RB1CC1: variants seen among roughly 807,000 people sequenced by gnomAD.
RB1CC1 encodes RB1 inducible coiled-coil 1, also known as RB1-inducible coiled-coil protein 1.
A neutral mutation model predicts 177.5 loss-of-function variants in RB1CC1; 46 were observed. The ratio of observed to expected loss-of-function variants is 0.26; its 90% confidence interval spans 0.20 to 0.33. RB1CC1 has a LOEUF of 0.33. RB1CC1 is among the 10% of genes least tolerant of loss of function. The pLI, the probability that RB1CC1 is intolerant of heterozygous loss-of-function variation, is 1.00. For synonymous variants in RB1CC1, 666 were observed against 613.6 expected (o/e 1.09, Z -1.26); for missense variants, 1,703 against 1,816.3 (o/e 0.94, Z 1.13).
At chr8:52,693,171 T>C (rs754273888) in intron 1 of RB1CC1, among the ~76,000 whole-genome samples, 10 of 152,110 alleles carry the variant, frequency 6.6e-5, no homozygotes, top group Non-Finnish European at 1.3e-4. Flanking sequence ...TATGAAACCC[T>C]AGAAGAATAC....
rs770912701 is a variant in RB1CC1, at chr8:52,657,906, T to A, written c.1923A>T (p.Ala641=). The A allele has an allele frequency of 6.2e-7, 1 of 1,613,098 alleles. No homozygotes were observed. The highest frequency in any genetic ancestry group is 8.5e-7 in the Non-Finnish European group (1 of 1,179,428). ...ACTGTGGGGATGTCTGACTCACAGA[T>A]GCCTGGAAAACAGAAAGAAAGGCTT... The part of the protein sequence containing the change: ...TITDLLSEQK[A]SVSQTSPQSA... The change falls in exon 15 of 24, where the codon GCA becomes GCT. Residue 641 remains alanine, a splice_region_variant and synonymous_variant. Coordinates refer to ENST00000025008, the MANE Select transcript of RB1CC1 (RefSeq NM_014781.5).
At chr8:52,653,209 A>G (rs186295388) in intron 15 of RB1CC1, among the ~76,000 whole-genome samples, 52 of 152,286 alleles carry the variant, frequency 3.4e-4, no homozygotes, top group Non-Finnish European at 4.6e-4. Context: ...GGCTTTGCAA[A>G]ATACAAGCTT....
chr8:52,661,180 T>C lies in RB1CC1; in HGVS notation c.1460A>G (p.Glu487Gly). 6.2e-7 allele frequency: 1 copy of C among 1,613,934 alleles called. No homozygotes were observed. Among genetic ancestry groups the C allele is most frequent in the African/African-American group, 1.3e-5 (1 of 75,042 alleles). The change falls in exon 10 of 24, where the codon GAA becomes GGA. Residue 487 changes from glutamate (E) to glycine (G), a missense_variant. By Grantham distance (98) the Glu-to-Gly change is moderately conservative. Coordinates refer to ENST00000025008, the MANE Select transcript of RB1CC1 (RefSeq NM_014781.5). ...CATCTGAGGAACTGTACTAAGAGCT[T>C]CAACAATTTTGACTCTTTCTAACAG... ...IELLERVKIV[E>G]ALSTVPQMYC... is the part of the protein sequence containing the mutation.
chr8:52,648,985 A>T (rs1371382574), intron 15 of RB1CC1, among the ~76,000 whole-genome samples: 1 of 152,224 alleles, frequency 6.6e-6, no homozygotes, highest in Non-Finnish European at 1.5e-5. Context: ...TAATGTGTGG[A>T]GAGTGCCCAC....
At chr8:52,676,302 A>AT in intron 6 of RB1CC1, 67 bp downstream of exon 6, 2 of 1,445,514 alleles carry the variant, frequency 1.4e-6, no homozygotes, top group Non-Finnish European at 1.9e-6. Flanking sequence ...ATTTGCAGTA[A>AT]TTAAACCTAC....
chr8:52,664,607 A>C (rs1851910768), intron 8 of RB1CC1, among the ~76,000 whole-genome samples: 1 of 152,180 alleles, frequency 6.6e-6, no homozygotes, highest in South Asian at 2.1e-4. Context: ...AAGACAACAA[A>C]AACTAATTTT....
chr8:52,641,262 T>C (rs1457497022), intron 18 of RB1CC1, among the ~76,000 whole-genome samples: 1 of 150,966 alleles, frequency 6.6e-6, no homozygotes, highest in Non-Finnish European at 1.5e-5. Flanking sequence ...CAGGCGCCTG[T>C]AATCCCGGCT....
chr8:52,657,136 T>C lies in RB1CC1; in HGVS notation c.2693A>G (p.Glu898Gly). The stretch of plus-strand genomic sequence containing the variant: ...TAAAACCTCCTCAAGGCATACTAAC[T>C]CTCCCTTCAATTTTTTAATTTTGTT... ...NENKIKKLKG[E>G]LVCLEEVLQN... The change falls in exon 15 of 24, where the codon GAG (glutamate) becomes GGG (glycine). Residue 898 changes from glutamate to glycine, a missense_variant. Physicochemically the swap from Glu to Gly is moderately conservative, Grantham distance 98 (BLOSUM62 -2). Around this residue, in one of 6 missense-constraint regions of RB1CC1, gnomAD observed 1,169 missense variants for 1,184.7 expected, o/e 0.99. Coordinates refer to ENST00000025008, the MANE Select transcript of RB1CC1 (RefSeq NM_014781.5). 6.2e-7 allele frequency: 1 copy of C among 1,611,090 alleles called. No individual in the cohort carries two copies.
chr8:52,651,950 A>C (rs1172080621), intron 15 of RB1CC1, among the ~76,000 whole-genome samples: 1 of 152,212 alleles, frequency 6.6e-6, no homozygotes, highest in African/African-American at 2.4e-5. Flanking sequence ...AATAAAAACT[A>C]ATGTTCAGAA....
At chr8:52,635,720 A>T (rs973543728) in intron 19 of RB1CC1, among the ~76,000 whole-genome samples, 2 of 152,176 alleles carry the variant, frequency 1.3e-5, no homozygotes, top group African/African-American at 4.8e-5. Context: ...ACTATTAGGT[A>T]AAACTATTAC....
intron 20 of RB1CC1, among the ~76,000 whole-genome samples, chr8:52,633,214 C>T (rs1848888201): frequency 1.3e-5 from 2 of 152,122 alleles, no homozygotes; most frequent in African/African-American, 2.4e-5. Flanking sequence ...GTCATGAGCT[C>T]GTCCTTAACC....
chr8:52,636,214 TGTAATTTCA>T (rs1372788660), intron 18 of RB1CC1, 145 bp from the exon 19 acceptor site: 1 of 889,898 alleles, frequency 1.1e-6, no homozygotes, highest in Non-Finnish European at 1.6e-6. Context: ...TCAGTTAGCA[TGTAATTTCA>T]ATGTTGTATA....
chr8:52,698,447 C>G (rs542881764), intron 1 of RB1CC1, among the ~76,000 whole-genome samples: 2 of 151,704 alleles, frequency 1.3e-5, no homozygotes, highest in African/African-American at 4.8e-5. Context: ...CTCAGCCTCC[C>G]GAGTAGCTGG....
chr8:52,653,174 T>G (rs112938919), intron 15 of RB1CC1, among the ~76,000 whole-genome samples: 26 of 152,162 alleles, frequency 1.7e-4, no homozygotes, highest in East Asian at 7.7e-4. Context: ...CCCTCAGAGG[T>G]CCCAGAGAAT....
intron 5 of RB1CC1, among the ~76,000 whole-genome samples, chr8:52,677,086 A>G (rs1853200510): frequency 6.6e-6 from 1 of 152,218 alleles, no homozygotes; most frequent in African/African-American, 2.4e-5. Context: ...AAGTACAAAA[A>G]TATTTATTAA....
chr8:52,656,074 T>G lies in RB1CC1; in HGVS notation c.3755A>C (p.Glu1252Ala). The change falls in exon 15 of 24, where the codon GAG becomes GCG. Residue 1252 changes from glutamate to alanine, a missense_variant. By Grantham distance (107) the Glu-to-Ala change is moderately radical. This residue lies in a region of RB1CC1 where 1,169 missense variants were observed against 1,184.7 expected (regional missense o/e 0.99). Transcript: ENST00000025008. ...IQTALKEFKL[E>A]REVVEKELLE... ...TAACTCTTTCTCAACAACTTCTCTC[T>G]CCAATTTAAATTCTTTTAGGGCAGT... 2 of 1,613,368 alleles carry G rather than the reference T, an allele frequency of 1.2e-6. No homozygotes were observed. Among genetic ancestry groups the G allele is most frequent in the Non-Finnish European group, 8.5e-7 (1 of 1,179,766 alleles).
At chr8:52,664,114 T>A (rs1049286493) in intron 8 of RB1CC1, among the ~76,000 whole-genome samples, 4 of 152,216 alleles carry the variant, frequency 2.6e-5, no homozygotes, top group African/African-American at 9.6e-5. Flanking sequence ...GGCAGCCAAA[T>A]ACATGACAAT....
Position 52,645,884 on chromosome 8 carries a change from A to G in RB1CC1, c.3822-17T>C. 1.9e-6 allele frequency: 3 copies of G among 1,570,838 alleles called. No individual in the cohort carries two copies. The highest frequency in any genetic ancestry group is 2.6e-6 in the Non-Finnish European group (3 of 1,167,768). ...ATGGCAGGACTTACAAATTAAATAC[A>G]GCATTAAATTAAAAAAAAAATTACA... On this transcript the variant is annotated splice_polypyrimidine_tract_variant and intron_variant, in intron 15 of 23. Coordinates refer to ENST00000025008, the MANE Select transcript of RB1CC1 (RefSeq NM_014781.5).
chr8:52,658,230 C>T, intron 13 of RB1CC1, 106 bp from the exon 14 acceptor site: 1 of 1,223,340 alleles, frequency 8.2e-7, no homozygotes, highest in African/African-American at 1.5e-5. Flanking sequence ...CCTTATCATT[C>T]CTTTTTAAAT....
Sources: allele counts gnomAD v4.1 joint callset (sites outside exome capture counted in the v4.1 genomes callset), GRCh38; gene constraint gnomAD v4.1.1; regional missense constraint gnomAD v4.1.1; transcripts MANE v1.5; gene names NCBI Gene and HGNC (gene_info 2026-07-23, HGNC 2026-07-21).